EXOC2: variants seen among roughly 807,000 people sequenced by gnomAD.
EXOC2 encodes the protein SEC5-like 1.
Under a neutral mutation model 131.8 loss-of-function variants are expected in EXOC2, and 70 were observed. That is an observed-to-expected ratio of 0.53 (90% CI 0.44 to 0.65). EXOC2 has a LOEUF of 0.65. Among genes scored for constraint, EXOC2 ranks in the 30% least tolerant of loss-of-function variants. The pLI is 0.00. For missense variants in EXOC2, 923 were observed against 1,108.6 expected (o/e 0.83, Z 2.38); for synonymous variants, 411 against 398.4 (o/e 1.03, Z -0.38).
chr6:619,636 T>A (rs1164536757), intron 4 of EXOC2, 93 bp from the exon 5 acceptor site: 4 of 711,120 alleles, frequency 5.6e-6, no homozygotes, highest in Admixed American at 4.3e-5. Flanking sequence ...CACATATGAA[T>A]ACTAACCATT....
rs148380271 is a variant in EXOC2, at chr6:639,723, C to T, written c.-43-1862G>A. Among the ~76,000 whole-genome samples, 467 of 152,286 alleles carry T rather than the reference C, an allele frequency of 3.1e-3. 1 individual carries two copies. Among genetic ancestry groups the T allele is most frequent in the Non-Finnish European group, 4.9e-3 (330 of 68,028 alleles). On this transcript the variant is annotated intron_variant, in intron 1 of 27. Coordinates refer to ENST00000230449, the MANE Select transcript of EXOC2 (RefSeq NM_018303.6). ...CCACACACAAACTCAATCAAATCAGCGGTTAATAGTCTCACTCTAAGATGT... is the reference window on the plus strand; with the variant it reads ...CCACACACAAACTCAATCAAATCAGTGGTTAATAGTCTCACTCTAAGATGT...
intron 1 of EXOC2, among the ~76,000 whole-genome samples, chr6:668,608 G>T (rs960312278): frequency 6.6e-6 from 1 of 152,082 alleles, no homozygotes; most frequent in Non-Finnish European, 1.5e-5. Context: ...TCAGCCCCAG[G>T]TTGGATTAAT....
intron 21 of EXOC2, among the ~76,000 whole-genome samples, chr6:549,649 T>C (rs1027949348): frequency 2.6e-4 from 39 of 152,238 alleles, no homozygotes; most frequent in African/African-American, 5.5e-4. Flanking sequence ...CTTAATACTT[T>C]GTATACAAGA....
At chr6:658,439 TACTTAG>T (rs1296452691) in intron 1 of EXOC2, among the ~76,000 whole-genome samples, 3 of 151,950 alleles carry the variant, frequency 2.0e-5, no homozygotes, top group African/African-American at 7.2e-5. Context: ...ATATAGTACA[TACTTAG>T]ACTTCTTTGT....
chr6:612,035 C>T (rs1384815713), intron 6 of EXOC2, among the ~76,000 whole-genome samples: 1 of 152,178 alleles, frequency 6.6e-6, no homozygotes, highest in Admixed American at 6.5e-5. Flanking sequence ...AAACGAGGCA[C>T]CAAGGAATAA....
chr6:675,026 G>A (rs190424601), intron 1 of EXOC2, among the ~76,000 whole-genome samples: 11 of 152,070 alleles, frequency 7.2e-5, no homozygotes, highest in Non-Finnish European at 1.6e-4. Flanking sequence ...ATTCCTTCCC[G>A]GGAAAACCAT....
intron 6 of EXOC2, among the ~76,000 whole-genome samples, chr6:615,910 A>G (rs1391275831): frequency 6.6e-6 from 1 of 152,208 alleles, no homozygotes; most frequent in East Asian, 1.9e-4. Flanking sequence ...ACTGGGAATG[A>G]GATGATATTA....
intron 6 of EXOC2, among the ~76,000 whole-genome samples, chr6:614,543 C>T (rs1760885294): frequency 1.3e-5 from 2 of 152,296 alleles, no homozygotes; most frequent in Admixed American, 6.5e-5. Flanking sequence ...CAACAGCTTT[C>T]ACTGAGTTCT....
In EXOC2 at chr6:572,451, A is replaced by G. The variant is rs879576180; in HGVS notation, c.1443+69T>C. The G allele has an allele frequency of 5.7e-5, 87 of 1,531,660 alleles. No individual in the cohort carries two copies. In the East Asian group the frequency reaches 1.9e-3, roughly 33 times the overall value. 94.9% of individuals were successfully genotyped at this position (1,531,660 alleles called of 1,614,324 possible). ...CTCTACATTTTAAAAAATCACTTAA[A>G]TCTAACATTTTAAAGACCAGAAATG... is the stretch of plus-strand genomic sequence containing the variant. On this transcript the variant is annotated intron_variant, in intron 13 of 27. Coordinates refer to ENST00000230449, the MANE Select transcript of EXOC2 (RefSeq NM_018303.6).
chr6:616,902 G>A (rs1761044219), intron 6 of EXOC2, among the ~76,000 whole-genome samples: 1 of 151,756 alleles, frequency 6.6e-6, no homozygotes, highest in Non-Finnish European at 1.5e-5. Context: ...ACTACGCCTG[G>A]CTAATTTTTT....
chr6:617,636 C>T, intron 6 of EXOC2, 75 bp downstream of exon 6: 1 of 1,549,382 alleles, frequency 6.5e-7, no homozygotes, highest in South Asian at 1.3e-5. Context: ...GTGTCACACC[C>T]TGTAAACACC....
chr6:600,584 TA>T (rs1760076209), intron 7 of EXOC2, among the ~76,000 whole-genome samples: 1 of 152,164 alleles, frequency 6.6e-6, no homozygotes, highest in African/African-American at 2.4e-5. Context: ...CATTTTTTAT[TA>T]GTTTTTAGTA....
chr6:561,783 A>G (rs1757712030), intron 17 of EXOC2, among the ~76,000 whole-genome samples: 1 of 152,140 alleles, frequency 6.6e-6, no homozygotes, highest in Non-Finnish European at 1.5e-5. Context: ...ACGGGGTTTC[A>G]GCATGTTGGC....
chr6:558,085 G>A (rs1008595216), intron 17 of EXOC2, among the ~76,000 whole-genome samples: 2 of 152,194 alleles, frequency 1.3e-5, no homozygotes, highest in African/African-American at 4.8e-5. Context: ...CTGGGACTGA[G>A]AACCTCTCTT....
At chr6:645,066 C>G (rs9405881) in intron 1 of EXOC2, among the ~76,000 whole-genome samples, 107,704 of 151,984 alleles carry the variant, frequency 0.71, 38,794 homozygotes, top group Middle Eastern at 0.88. Flanking sequence ...AGACTTATTA[C>G]AAATCTACAG....
At chr6:588,584 A>C (rs1020465188) in intron 11 of EXOC2, among the ~76,000 whole-genome samples, 1 of 152,158 alleles carries the variant, frequency 6.6e-6, no homozygotes, top group African/African-American at 2.4e-5. Flanking sequence ...TGAACTCCTG[A>C]CCTTGTGATC....
intron 5 of EXOC2, among the ~76,000 whole-genome samples, chr6:618,611 G>GCAAT (rs1440793635): frequency 6.6e-6 from 1 of 152,018 alleles, no homozygotes; most frequent in African/African-American, 2.4e-5. Flanking sequence ...GCTTTAAAAA[G>GCAAT]CAATCAGGTT....
chr6:659,924 C>CT (rs1181828108), intron 1 of EXOC2, among the ~76,000 whole-genome samples: 2 of 146,670 alleles, frequency 1.4e-5, no homozygotes, highest in East Asian at 4.1e-4. Flanking sequence ...AGAACCCAGC[C>CT]TTTTTAGTTC....
At chr6:572,462 T>G in intron 13 of EXOC2, 58 bp downstream of exon 13, 2 of 1,544,588 alleles carry the variant, frequency 1.3e-6, no homozygotes, top group East Asian at 2.3e-5. Flanking sequence ...TCTAACATTT[T>G]AAAGACCAGA....
Sources: gnomAD v4.1 joint callset for allele counts (sites outside exome capture counted in the v4.1 genomes callset) on GRCh38, gnomAD v4.1.1 for gene constraint, MANE v1.5 for transcripts, NCBI Gene and HGNC (gene_info 2026-07-23, HGNC 2026-07-21) for gene names.